TET3: variants seen among roughly 807,000 people sequenced by gnomAD.
The protein encoded by TET3 is methylcytosine dioxygenase TET3.
A neutral mutation model predicts 141.4 loss-of-function variants in TET3; 19 were observed. The observed-to-expected ratio is 0.13, with a 90% CI of 0.09 to 0.20. TET3 has a LOEUF of 0.20. TET3 is among the 10% of genes least tolerant of loss of function. TET3 has a pLI of 1.00. For synonymous variants in TET3, 1,043 were observed against 980.9 expected, an observed-to-expected ratio of 1.06 and a Z score of -1.18; for missense variants, 1,874 against 2,356.9, an observed-to-expected ratio of 0.80 and a Z score of 4.24.
intron 4 of TET3, 44 bp downstream of exon 4, chr2:74,048,455 G>C (rs1417119798): frequency 1.3e-6 from 2 of 1,534,982 alleles, no homozygotes; most frequent in Non-Finnish European, 1.8e-6. Context: ...AAAGGGCTGT[G>C]GCCTGGTGAG....
chr2:74,016,252 A>G (rs1000719764), intron 3 of TET3, among the ~76,000 whole-genome samples: 1 of 151,818 alleles, frequency 6.6e-6, no homozygotes, highest in African/African-American at 2.4e-5. Context: ...ATAGTGTGCT[A>G]CGATCAGGCC....
chr2:74,025,663 T>G (rs1378436547), intron 3 of TET3, among the ~76,000 whole-genome samples: 2 of 152,194 alleles, frequency 1.3e-5, no homozygotes, highest in Admixed American at 1.3e-4. Flanking sequence ...CCAGCTAACC[T>G]AGGCTTACTT....
intron 3 of TET3, among the ~76,000 whole-genome samples, chr2:74,038,122 G>A (rs1006048200): frequency 1.3e-5 from 2 of 152,208 alleles, no homozygotes; most frequent in African/African-American, 4.8e-5. Flanking sequence ...GGAGGCAGGG[G>A]ACCTTGTGAG....
intron 10 of TET3, among the ~76,000 whole-genome samples, chr2:74,098,174 TC>T (rs1353698087): frequency 6.6e-6 from 1 of 152,194 alleles, no homozygotes; most frequent in South Asian, 2.1e-4. Context: ...ATGTGGCAGT[TC>T]TACTTAACAT....
the TET3 span, chr2:74,134,648 A>G: frequency 2.2e-6 from 1 of 456,278 alleles, no homozygotes; most frequent in South Asian, 1.6e-5. Context: ...GGGAGCAGAA[A>G]ATAATTTAGT....
At chr2:74,022,467 C>T (rs1387434504) in intron 3 of TET3, among the ~76,000 whole-genome samples, 1 of 147,658 alleles carries the variant, frequency 6.8e-6, no homozygotes, top group East Asian at 1.9e-4. Context: ...CACTCTGTTG[C>T]CCCGGCTGGA....
downstream of TET3, among the ~76,000 whole-genome samples, chr2:74,113,175 G>A (rs950863600): frequency 3.3e-5 from 5 of 151,192 alleles, no homozygotes; most frequent in Admixed American, 3.3e-4. Context: ...CAGATCACGA[G>A]GTAGTTCGAG....
intron 2 of TET3, among the ~76,000 whole-genome samples, chr2:73,987,506 C>T (rs556703419): frequency 2.0e-5 from 3 of 152,148 alleles, no homozygotes; most frequent in Non-Finnish European, 4.4e-5. Flanking sequence ...ATTATAGTGG[C>T]GGACTGCCGG....
At chr2:74,075,627 C>T (rs1317477681) in intron 5 of TET3, among the ~76,000 whole-genome samples, 1 of 152,128 alleles carries the variant, frequency 6.6e-6, no homozygotes, top group African/African-American at 2.4e-5. Flanking sequence ...CCGTGCCTGG[C>T]AAGGAGCCAG....
intron 3 of TET3, among the ~76,000 whole-genome samples, chr2:74,028,359 T>G (rs1159416636): frequency 6.6e-6 from 1 of 152,192 alleles, no homozygotes; most frequent in African/African-American, 2.4e-5. Context: ...ACAGTTTATC[T>G]TTTTTCTTTT....
chr2:74,124,801 G>T, the TET3 span, among the ~76,000 whole-genome samples: 2 of 151,894 alleles, frequency 1.3e-5, no homozygotes, highest in Non-Finnish European at 2.9e-5. Context: ...AGGCCGCAGG[G>T]TCCTCTGTCT....
At chr2:74,033,774 C>T (rs1015397140) in intron 3 of TET3, among the ~76,000 whole-genome samples, 10 of 152,312 alleles carry the variant, frequency 6.6e-5, no homozygotes, top group Middle Eastern at 3.4e-3. Context: ...AAAGTAAGCA[C>T]ATGCTATTGA....
chr2:74,123,432 C>T, the TET3 span, among the ~76,000 whole-genome samples: 5 of 152,246 alleles, frequency 3.3e-5, no homozygotes, highest in African/African-American at 1.2e-4. Context: ...TCCTGGCTAA[C>T]ATGGTGAAAC....
intron 4 of TET3, among the ~76,000 whole-genome samples, chr2:74,065,540 TG>T (rs1315569877): frequency 6.7e-6 from 1 of 149,732 alleles, no homozygotes; most frequent in Non-Finnish European, 1.5e-5. Context: ...CAAGACCACC[TG>T]ATTTCTTTTT....
rs766536277 is a variant in TET3, at chr2:74,100,351, G to T, written c.3605-42G>T. On this transcript the variant is annotated intron_variant, in intron 11 of 11. Coordinates refer to ENST00000409262, the MANE Select transcript of TET3 (RefSeq NM_001287491.2). Reference sequence around the variant, plus strand: ...CGACCCAGGGCCTCTCCAGGCTGTGGTGTTGTCTGCCCCTCTGCCATCTTG... The same window carrying T: ...CGACCCAGGGCCTCTCCAGGCTGTGTTGTTGTCTGCCCCTCTGCCATCTTG... 16 of 1,542,028 alleles carry T rather than the reference G, an allele frequency of 1.0e-5. No homozygotes were observed. The South Asian group carries it at 1.8e-4, about 17-fold the overall frequency.
At chr2:74,026,982 T>C (rs1016821754) in intron 3 of TET3, among the ~76,000 whole-genome samples, 6 of 152,232 alleles carry the variant, frequency 3.9e-5, no homozygotes, top group African/African-American at 1.4e-4. Flanking sequence ...GAGGTATTCT[T>C]CCCATCTTTC....
At chr2:74,011,244 A>C (rs956213135) in intron 3 of TET3, among the ~76,000 whole-genome samples, 9 of 151,812 alleles carry the variant, frequency 5.9e-5, no homozygotes, top group Non-Finnish European at 1.0e-4. Context: ...AAAAAAAAAA[A>C]AACACTTTAA....
At chr2:74,074,416 T>C (rs2103945978) in intron 5 of TET3, among the ~76,000 whole-genome samples, 1 of 152,386 alleles carries the variant, frequency 6.6e-6, no homozygotes, top group South Asian at 2.1e-4. Flanking sequence ...ATCATGAGTT[T>C]ATATTGACAC....
intron 3 of TET3, among the ~76,000 whole-genome samples, chr2:74,032,699 G>A (rs1397794923): frequency 6.6e-6 from 1 of 152,160 alleles, no homozygotes; most frequent in African/African-American, 2.4e-5. Context: ...CGTCAGGAGA[G>A]CTGGATCCTG....
Sources: allele counts gnomAD v4.1 joint callset (sites outside exome capture counted in the v4.1 genomes callset), GRCh38; gene constraint gnomAD v4.1.1; transcripts MANE v1.5; gene names NCBI Gene and HGNC (gene_info 2026-07-23, HGNC 2026-07-21).